The following MCM6 variants were observed in gnomAD, a reference collection of about 807,000 sequenced individuals.
MCM6 encodes minichromosome maintenance complex component 6.
In MCM6, 46 loss-of-function variants were observed where a neutral mutation model predicts 94.3. The observed-to-expected ratio is 0.49, with a 90% confidence interval of 0.39 to 0.62. MCM6 has a LOEUF of 0.62. Ranked by LOEUF, MCM6 falls within the 20% of genes least tolerant of loss-of-function variation. MCM6 has a pLI of 0.00. For missense variants in MCM6, 865 were observed against 1,017.9 expected, an observed-to-expected ratio of 0.85 and a Z score of 2.04; for synonymous variants, 335 against 351.9, an observed-to-expected ratio of 0.95 and a Z score of 0.54.
intron 1 of MCM6, among the ~76,000 whole-genome samples, chr2:135,875,481 A>G (rs556058877): frequency 6.6e-6 from 1 of 152,270 alleles, no homozygotes; most frequent in South Asian, 2.1e-4. Flanking sequence ...TTTGTTATGT[A>G]TATTTTACTA....
chr2:135,854,105 T>C (rs1679827556), intron 11 of MCM6, among the ~76,000 whole-genome samples: 1 of 152,188 alleles, frequency 6.6e-6, no homozygotes, highest in African/African-American at 2.4e-5. Flanking sequence ...CCTGCACCTG[T>C]AGTTCCAGCT....
Position 135,863,347 on chromosome 2 carries a change from T to A in MCM6, c.1079-599A>T, listed in dbSNP as rs1051693982. The stretch of plus-strand genomic sequence containing the variant: ...TGCTATTAAAAGAAACATTTTTCTG[T>A]GGAACTGTCGACTCTCTGAACTCCA... On this transcript the variant is annotated intron_variant, in intron 7 of 16. Coordinates refer to ENST00000264156, the MANE Select transcript of MCM6 (RefSeq NM_005915.6). Among the ~76,000 whole-genome samples the A allele has an allele frequency of 2.6e-5, 4 of 152,370 alleles. No homozygotes were observed. The East Asian group carries it at 7.7e-4, about 29-fold the overall frequency.
intron 8 of MCM6, among the ~76,000 whole-genome samples, chr2:135,861,279 T>G (rs1309158544): frequency 6.6e-6 from 1 of 152,194 alleles, no homozygotes; most frequent in Admixed American, 6.5e-5. Flanking sequence ...ATCTGAATTT[T>G]AATATTCATG....
intron 6 of MCM6, among the ~76,000 whole-genome samples, chr2:135,865,723 T>C (rs1680082570): frequency 6.6e-6 from 1 of 152,176 alleles, no homozygotes; most frequent in Non-Finnish European, 1.5e-5. Flanking sequence ...CAAATAAGAC[T>C]TTTTTTCAAG....
chr2:135,865,637 G>T (rs1680079876), intron 6 of MCM6, among the ~76,000 whole-genome samples: 1 of 152,108 alleles, frequency 6.6e-6, no homozygotes. Context: ...GAGGAACTAT[G>T]AAACTTTAAA....
At chr2:135,855,171 TAAAG>T in intron 11 of MCM6, among the ~76,000 whole-genome samples, 1 of 152,178 alleles carries the variant, frequency 6.6e-6, no homozygotes, top group East Asian at 1.9e-4. Context: ...AAAACAAAAC[TAAAG>T]AAAACAGTTT....
chr2:135,872,869 A>G, intron 1 of MCM6, 26 bp from the exon 2 acceptor site: 1 of 1,612,684 alleles, frequency 6.2e-7, no homozygotes, highest in Non-Finnish European at 8.5e-7. Context: ...AGTCAACTAG[A>G]TTAAGGACAC....
intron 3 of MCM6, among the ~76,000 whole-genome samples, chr2:135,869,878 T>C (rs1038283486): frequency 3.9e-5 from 6 of 152,210 alleles, no homozygotes; most frequent in African/African-American, 1.4e-4. Context: ...CACTAAACTT[T>C]CTGGATAAGT....
chr2:135,865,670 T>C (rs574541916), intron 6 of MCM6, among the ~76,000 whole-genome samples: 1 of 152,342 alleles, frequency 6.6e-6, no homozygotes, highest in East Asian at 1.9e-4. Flanking sequence ...GTGGATAATT[T>C]GTACCACTGC....
At chr2:135,858,041 T>C in intron 9 of MCM6, 37 bp from the exon 10 acceptor site, 1 of 1,568,532 alleles carries the variant, frequency 6.4e-7, no homozygotes, top group African/African-American at 1.3e-5. Flanking sequence ...AAGCTGTCTT[T>C]CAAGCTGGAT....
At chr2:135,844,048 C>G (rs4988271) in intron 16 of MCM6, among the ~76,000 whole-genome samples, 2 of 151,042 alleles carry the variant, frequency 1.3e-5, no homozygotes, top group South Asian at 4.2e-4. Context: ...TTCTGGTCAT[C>G]GATTTAAATA....
At position 135,856,804 on chromosome 2, in the gene MCM6, T is replaced by C. The variant is rs1032174395; in HGVS notation, c.1550A>G (p.Lys517Arg). 5.0e-6 allele frequency: 8 copies of C among 1,614,216 alleles called. No individual in the cohort carries two copies. The highest frequency in any genetic ancestry group is 1.7e-5 in the Admixed American group (1 of 60,028). Residue 517 changes from lysine to arginine, a missense_variant, in exon 11 of 17, where the codon AAA becomes AGA. By Grantham distance (26) the Lys-to-Arg change is conservative. Transcript: ENST00000264156. ...SGHYDRSKSLKQNINLSAPIM... is the reference protein window; with the variant it reads ...SGHYDRSKSLRQNINLSAPIM... The stretch of plus-strand genomic sequence containing the variant: ...GGGAGCTGACAAATTTATATTCTGT[T>C]TCAATGATTTTGATCTGTCATAGTG...
chr2:135,869,101 T>G (rs1449095748), intron 3 of MCM6, among the ~76,000 whole-genome samples: 2 of 151,860 alleles, frequency 1.3e-5, no homozygotes, highest in South Asian at 2.1e-4. Flanking sequence ...AAATGAAAAT[T>G]AAAATTATAA....
intron 3 of MCM6, among the ~76,000 whole-genome samples, chr2:135,869,126 G>C (rs1364079388): frequency 6.6e-6 from 1 of 152,092 alleles, no homozygotes; most frequent in African/African-American, 2.4e-5. Flanking sequence ...GAACGGGCTG[G>C]GCGCAGTGAC....
intron 11 of MCM6, among the ~76,000 whole-genome samples, chr2:135,855,000 C>G (rs1403691442): frequency 6.6e-6 from 1 of 151,702 alleles, no homozygotes; most frequent in African/African-American, 2.4e-5. Flanking sequence ...AGTAAAAATA[C>G]ACAAAATTAG....
chr2:135,851,923 A>AT (rs2105577402), intron 12 of MCM6: 1 of 159,096 alleles, frequency 6.3e-6, no homozygotes, highest in East Asian at 1.8e-4. Flanking sequence ...TTGAGGCTCA[A>AT]TTAATTAACT....
At chr2:135,866,770 A>T (rs771505017) in intron 4 of MCM6, 42 bp from the exon 5 acceptor site, 34 of 1,496,014 alleles carry the variant, frequency 2.3e-5, no homozygotes, top group Non-Finnish European at 2.3e-5. Context: ...GAGAAGCAAT[A>T]CCTTTCAGAT....
rs3087347 is a variant in MCM6 at position 135,840,430 on chromosome 2, T to C, written c.*405A>G. The C allele has an allele frequency of 0.016, 2,556 of 156,388 alleles. 80 individuals are homozygous for C. Among genetic ancestry groups the C allele is most frequent in the African/African-American group, 0.058 (2,420 of 41,524 alleles). 9.7% of individuals were successfully genotyped at this position (156,388 alleles called of 1,614,324 possible). A position where few individuals can be genotyped will look rare whatever the true frequency, so the allele number is the denominator to read the frequency against. ...ATAATCAGGGTACAGTAGAAAGAAATCCAATAGACAACTTCAGAACAAGTT... is the reference window on the plus strand; with the variant it reads ...ATAATCAGGGTACAGTAGAAAGAAACCCAATAGACAACTTCAGAACAAGTT... On this transcript the variant is annotated 3_prime_UTR_variant, in exon 17 of 17. Transcript: ENST00000264156.
intron 14 of MCM6, 42 bp downstream of exon 14, chr2:135,848,011 T>C: frequency 1.3e-6 from 2 of 1,535,864 alleles, no homozygotes; most frequent in Non-Finnish European, 1.8e-6. Context: ...GAAAATGTTT[T>C]GGTCCCTAAC....
Sources: allele counts gnomAD v4.1 joint callset (sites outside exome capture counted in the v4.1 genomes callset), GRCh38; gene constraint gnomAD v4.1.1; transcripts MANE v1.5; gene names NCBI Gene and HGNC (gene_info 2026-07-23, HGNC 2026-07-21).